IVD: variants seen among roughly 807,000 people sequenced by gnomAD.
The protein encoded by IVD is isovaleryl-CoA dehydrogenase, mitochondrial.
IVD carries 31 observed loss-of-function variants against 51.3 expected under a neutral mutation model. The ratio of observed to expected loss-of-function variants is 0.60; its 90% CI spans 0.45 to 0.81. The LOEUF (loss-of-function observed/expected upper bound fraction) is 0.81. IVD is among the 40% of genes least tolerant of loss of function. The probability of loss-of-function intolerance (pLI) is 0.00; values close to 1 mark genes in which losing one functional copy is unlikely to be tolerated. For missense variants in IVD, 475 were observed against 552.0 expected (o/e 0.86, Z 1.40); for synonymous variants, 205 against 219.4 (o/e 0.93, Z 0.58).
chr15:40,412,248 G>A (rs981438691), intron 6 of IVD, among the ~76,000 whole-genome samples: 5 of 152,218 alleles, frequency 3.3e-5, no homozygotes, highest in African/African-American at 1.2e-4. Context: ...ATGGTGAGCT[G>A]GGGCAGAAGA....
At chr15:40,417,418 G>T (rs1337189396) in intron 11 of IVD, among the ~76,000 whole-genome samples, 1 of 147,548 alleles carries the variant, frequency 6.8e-6, no homozygotes, top group Admixed American at 7.0e-5. Flanking sequence ...TGAGGCAGGA[G>T]AATCACTTGA....
At chr15:40,435,472 G>C (rs1566954294) in exon 9 of IVD, 3 of 1,251,394 alleles carry the variant, frequency 2.4e-6, no homozygotes, top group Non-Finnish European at 3.1e-6. Flanking sequence ...CCCGAGGTCA[G>C]ACGTCCCTGG....
At chr15:40,425,028 C>G (rs556985446), downstream of IVD, among the ~76,000 whole-genome samples, 10 of 152,318 alleles carry the variant, frequency 6.6e-5, 1 homozygote, top group Admixed American at 5.9e-4. Flanking sequence ...AGGCCCTCAT[C>G]CCCGTACTCC....
downstream of IVD, chr15:40,435,813 G>A (rs574508021): frequency 7.4e-6 from 5 of 676,232 alleles, no homozygotes; most frequent in Non-Finnish European, 9.1e-6. Context: ...GCTCCTTCAG[G>A]CTCCGCTCTC....
At chr15:40,405,995 G>T in intron 1 of IVD, 24 bp downstream of exon 1, 1 of 1,588,008 alleles carries the variant, frequency 6.3e-7, no homozygotes, top group South Asian at 1.1e-5. Flanking sequence ...CCCCCTTCCT[G>T]GCCCCAAGGC....
intron 7 of IVD, among the ~76,000 whole-genome samples, chr15:40,433,310 C>G (rs1341584573): frequency 6.6e-6 from 1 of 152,162 alleles, no homozygotes; most frequent in Non-Finnish European, 1.5e-5. Flanking sequence ...CATTTACCTA[C>G]CAGAGTTCTT....
intron 6 of IVD, among the ~76,000 whole-genome samples, chr15:40,412,305 G>A (rs937408442): frequency 4.6e-5 from 7 of 152,228 alleles, no homozygotes; most frequent in South Asian, 2.1e-4. Context: ...CTTGCCTAAC[G>A]ATCATGAGGA....
chr15:40,416,736 T>C (rs1891729588), intron 11 of IVD, among the ~76,000 whole-genome samples: 1 of 152,120 alleles, frequency 6.6e-6, no homozygotes, highest in Non-Finnish European at 1.5e-5. Context: ...CACTCCTCAC[T>C]ATGTGCTTAT....
chr15:40,433,419 A>G (rs985360580), intron 7 of IVD, among the ~76,000 whole-genome samples: 2 of 152,184 alleles, frequency 1.3e-5, no homozygotes, highest in Admixed American at 1.3e-4. Context: ...GAGGCTCTCA[A>G]TACACTGCCC....
At chr15:40,412,929 T>G (rs1012182878) in intron 6 of IVD, 62 bp from the exon 7 acceptor site, 4 of 1,401,474 alleles carry the variant, frequency 2.9e-6, no homozygotes, top group Non-Finnish European at 4.1e-6. Context: ...CAGAGGCCTT[T>G]CCTTTACCAG....
rs200277340 is a variant in IVD at position 40,410,645 on chromosome 15, G to A, written c.304G>A (p.Gly102Ser). ...ITAPVQYGGS[G>S]LGYLEHVLVM... ...ACTCACAGTTCAGTATGGCGGCTCCGGCCTGGGCTACCTGGAGCATGTGCT... is the reference window on the plus strand; with the variant it reads ...ACTCACAGTTCAGTATGGCGGCTCCAGCCTGGGCTACCTGGAGCATGTGCT... Residue 102 changes from glycine (G) to serine (S), a missense_variant, in exon 4 of 12, where the codon GGC becomes AGC. Physicochemically the swap from Gly to Ser is moderately conservative, Grantham distance 56. Transcript: ENST00000487418. 64 of 1,614,162 alleles carry A rather than the reference G, an allele frequency of 4.0e-5. 1 individual carries two copies. The South Asian group carries it at 4.2e-4, about 11-fold the overall frequency.
intron 7 of IVD, among the ~76,000 whole-genome samples, chr15:40,414,020 T>A (rs1891379844): frequency 6.6e-6 from 1 of 152,124 alleles, no homozygotes; most frequent in African/African-American, 2.4e-5. Flanking sequence ...ACCGCCCAGC[T>A]AATTTTGTAT....
At chr15:40,410,359 A>G (rs1382547121) in intron 3 of IVD, among the ~76,000 whole-genome samples, 2 of 152,192 alleles carry the variant, frequency 1.3e-5, no homozygotes, top group Non-Finnish European at 2.9e-5. Context: ...TTGTTCACGT[A>G]TCTTCATCAA....
Position 40,406,156 on chromosome 15 carries a change from C to T in IVD, c.144+185C>T, listed in dbSNP as rs954314511. The stretch of plus-strand genomic sequence containing the variant: ...CCGACCTCGGGTCCAGTCCTCTGAC[C>T]TCGGCCTCACGTCTGTGGAGTGAAG... On this transcript the variant is annotated intron_variant, in intron 1 of 11. Coordinates refer to ENST00000487418, the MANE Select transcript of IVD (RefSeq NM_002225.5). The T allele has an allele frequency of 7.8e-6, 12 of 1,539,078 alleles. No individual in the cohort carries two copies. In the South Asian group the frequency reaches 1.2e-4, roughly 15 times the overall value.
chr15:40,435,889 C>CA, downstream of IVD: 1 of 165,420 alleles, frequency 6.0e-6, no homozygotes, highest in Non-Finnish European at 1.2e-5. Context: ...CAGACCCTGG[C>CA]AGCCTTCCCT....
In IVD at chr15:40,419,218, T is replaced by C; in HGVS notation, c.*955T>C. 1.6e-6 allele frequency: 2 copies of C among 1,289,082 alleles called. No individual in the cohort carries two copies. The highest frequency in any genetic ancestry group is 1.0e-6 in the Non-Finnish European group (1 of 988,814). 79.9% of individuals were successfully genotyped at this position (1,289,082 alleles called of 1,614,324 possible). A position where few individuals can be genotyped will look rare whatever the true frequency, so the allele number is the denominator to read the frequency against. On this transcript the variant is annotated 3_prime_UTR_variant, in exon 12 of 12. Transcript: ENST00000487418. ...CAGCTCCTAGCAGCTTATGAACACA[T>C]ATGCTTGCTTGGCCAGGCAAGGTGG...
At chr15:40,424,086 A>G, downstream of IVD, 3 of 1,190,676 alleles carry the variant, frequency 2.5e-6, no homozygotes, top group Non-Finnish European at 3.3e-6. Flanking sequence ...GTATCTCTTA[A>G]ATACTTCCTG....
Position 40,416,332 on chromosome 15 carries a change from C to T in IVD, c.1108C>T (p.Gln370Ter), listed in dbSNP as rs368705240. 1 of 1,614,106 alleles carries T rather than the reference C, an allele frequency of 6.2e-7. No individual in the cohort carries two copies. The highest frequency in any genetic ancestry group is 1.3e-5 in the African/African-American group (1 of 74,948). ...VILYSAECAT[Q>*]VALDGIQCFG... Reference sequence around the variant, plus strand: ...TCTTTACTCAGCTGAGTGTGCCACACAGGTAGCCCTGGACGGCATTCAGTG... The same window carrying T: ...TCTTTACTCAGCTGAGTGTGCCACATAGGTAGCCCTGGACGGCATTCAGTG... The change falls in exon 11 of 12, where the codon CAG (glutamine) becomes TAG (stop). Residue 370 changes from glutamine (Q) to a stop codon, truncating the protein, a stop_gained. Coordinates refer to ENST00000487418, the MANE Select transcript of IVD (RefSeq NM_002225.5). LOFTEE classifies it high-confidence loss of function.
chr15:40,410,866 C>T, intron 4 of IVD, 69 bp downstream of exon 4: 1 of 1,561,128 alleles, frequency 6.4e-7, no homozygotes, highest in Non-Finnish European at 8.7e-7. Flanking sequence ...TACCCTCTCC[C>T]CTTGGGGGCC....
Sources: allele counts gnomAD v4.1 joint callset (sites outside exome capture counted in the v4.1 genomes callset), GRCh38; gene constraint gnomAD v4.1.1; transcripts MANE v1.5; gene names NCBI Gene and HGNC (gene_info 2026-07-23, HGNC 2026-07-21).